RNF111: variants seen among roughly 807,000 people sequenced by gnomAD.
The protein encoded by RNF111 is E3 ubiquitin-protein ligase Arkadia.
In RNF111, 17 loss-of-function variants were observed where a neutral mutation model predicts 95.1. The ratio of observed to expected loss-of-function variants is 0.18; its 90% CI spans 0.12 to 0.27. RNF111 has a LOEUF of 0.27. Ranked by LOEUF, RNF111 falls within the 10% of genes least tolerant of loss-of-function variation. The pLI is 1.00. For missense variants in RNF111, 1,189 were observed against 1,210.4 expected, an observed-to-expected ratio of 0.98 and a Z score of 0.26; for synonymous variants, 440 against 414.8, an observed-to-expected ratio of 1.06 and a Z score of -0.74.
chr15:59,066,772 A>T lies in RNF111; in HGVS notation c.1375A>T (p.Arg459Trp). The T allele has an allele frequency of 1.2e-6, 2 of 1,612,460 alleles. No homozygotes were observed. The highest frequency in any genetic ancestry group is 1.7e-6 in the Non-Finnish European group (2 of 1,178,862). ...TTTTTTTCTGTTTCAAGATGACTCAAGGAGAACTACATCTAGTGCTGTAAC... is the reference window on the plus strand; with the variant it reads ...TTTTTTTCTGTTTCAAGATGACTCATGGAGAACTACATCTAGTGCTGTAAC... ...TTGTSIGDDS[R>W]RTTSSAVTET... The change falls in exon 6 of 14, where the codon AGG becomes TGG. Residue 459 changes from arginine (R) to tryptophan (W), a missense_variant. By Grantham distance (101) the Arg-to-Trp change is moderately radical (BLOSUM62 -3). Around this residue, in one of 2 missense-constraint regions of RNF111, gnomAD observed 1,024 missense variants for 925.9 expected, o/e 1.11. Transcript: ENST00000348370.
chr15:59,043,062 T>C (rs1298833405), intron 2 of RNF111, among the ~76,000 whole-genome samples: 2 of 152,192 alleles, frequency 1.3e-5, no homozygotes, highest in East Asian at 3.8e-4. Flanking sequence ...GAGAGCGTTT[T>C]ATGTTCTTTT....
intron 1 of RNF111, among the ~76,000 whole-genome samples, chr15:58,994,442 G>A (rs1453950396): frequency 7.3e-6 from 1 of 137,650 alleles, no homozygotes; most frequent in South Asian, 2.4e-4. Context: ...AATTTTTAAT[G>A]TTGTCACTCT....
In RNF111 at chr15:59,058,255, G is replaced by GT. The variant is rs1198614304; in HGVS notation, c.1172-94dup. The GT allele has an allele frequency of 2.0e-5, 19 of 968,032 alleles. No homozygotes were observed. In the South Asian group the frequency reaches 3.0e-4, roughly 15 times the overall value. The allele number at this position is 968,032 out of a possible 1,614,324, so 60.0% of individuals were successfully genotyped here. A position where few individuals can be genotyped will look rare whatever the true frequency, so the allele number is the denominator to read the frequency against. On this transcript the variant is annotated intron_variant, in intron 4 of 13. Transcript: ENST00000348370. ...TTATTAGAGAGCTTGTATTTTTAAA[G>GT]TTTTTTTATTTATTAATTATAAACA...
At chr15:59,016,183 T>G (rs2040058273) in intron 1 of RNF111, among the ~76,000 whole-genome samples, 1 of 150,870 alleles carries the variant, frequency 6.6e-6, no homozygotes, top group South Asian at 2.1e-4. Context: ...TAGTTTTTTT[T>G]TTTTAGAGAT....
chr15:59,094,253 A>T (rs771782762), intron 13 of RNF111, among the ~76,000 whole-genome samples: 27 of 152,180 alleles, frequency 1.8e-4, no homozygotes, highest in Non-Finnish European at 3.5e-4. Context: ...TTTAATGTGT[A>T]AAGATATTCT....
chr15:59,072,315 T>C (rs1867757), intron 6 of RNF111, among the ~76,000 whole-genome samples: 60,308 of 151,986 alleles, frequency 0.4, 13,878 homozygotes, highest in African/African-American at 0.64. Context: ...TGTTTAATGG[T>C]GTTTTACCCA....
chr15:59,036,523 C>G (rs1428623375), intron 2 of RNF111, among the ~76,000 whole-genome samples: 1 of 152,158 alleles, frequency 6.6e-6, no homozygotes, highest in Non-Finnish European at 1.5e-5. Flanking sequence ...ATAAAATCAT[C>G]AGATCTCATG....
At chr15:59,090,972 G>A in intron 11 of RNF111, 87 bp from the exon 12 acceptor site, 2 of 773,410 alleles carry the variant, frequency 2.6e-6, no homozygotes, top group East Asian at 5.1e-5. Flanking sequence ...TCTAAGTATG[G>A]AGGTTTATTT....
intron 1 of RNF111, among the ~76,000 whole-genome samples, chr15:58,991,559 G>C (rs2038818463): frequency 6.6e-6 from 1 of 152,156 alleles, no homozygotes. Flanking sequence ...TGGTTTTACT[G>C]TAGATTGAGT....
chr15:58,998,690 CAG>C (rs1390415292), intron 1 of RNF111, among the ~76,000 whole-genome samples: 28 of 152,118 alleles, frequency 1.8e-4, no homozygotes, highest in African/African-American at 6.3e-4. Context: ...AAACAAATGA[CAG>C]AATTTATTGC....
Position 59,081,004 on chromosome 15 carries a change from C to CCTCAGA in RNF111, c.2023_2028dup (p.Thr675_Gln676dup). On this transcript the variant is annotated inframe_insertion, in exon 8 of 14. Coordinates refer to ENST00000348370, the MANE Select transcript of RNF111 (RefSeq NM_017610.8). ...CCCGCATTCTCATGGAAACCCCCCT[C>CCTCAGA]CTCAGACTCAGCCTCCGCCTCAAGT... 1 of 1,614,150 alleles carries CCTCAGA rather than the reference C, an allele frequency of 6.2e-7. No individual in the cohort carries two copies. The highest frequency in any genetic ancestry group is 8.5e-7 in the Non-Finnish European group (1 of 1,180,026).
Position 59,097,410 on chromosome 15 carries a change from T to A in RNF111, c.*2510T>A, listed in dbSNP as rs2079189122. On this transcript the variant is annotated 3_prime_UTR_variant, in exon 14 of 14. Transcript: ENST00000348370. ...ATAACAGTTGTGATAAACTGATCGT[T>A]TGAAACGTTTTTCTTACTCTGGTGA... The A allele has an allele frequency of 6.6e-6, 1 of 152,160 alleles. No individual in the cohort carries two copies. The highest frequency in any genetic ancestry group is 1.5e-5 in the Non-Finnish European group (1 of 68,032). 9.4% of individuals were successfully genotyped at this position (152,160 alleles called of 1,614,324 possible). A position where few individuals can be genotyped will look rare whatever the true frequency, so the allele number is the denominator to read the frequency against.
At chr15:59,039,978 G>C (rs1357881152) in intron 2 of RNF111, among the ~76,000 whole-genome samples, 4 of 152,064 alleles carry the variant, frequency 2.6e-5, no homozygotes, top group African/African-American at 9.7e-5. Flanking sequence ...GCCTCCTCAA[G>C]TGCTGGGATT....
chr15:59,087,137 A>G (rs1484266918), intron 10 of RNF111, among the ~76,000 whole-genome samples: 2 of 152,204 alleles, frequency 1.3e-5, no homozygotes, highest in African/African-American at 2.4e-5. Context: ...TGGATTTCCA[A>G]AGATATTTGG....
At chr15:59,051,489 A>G (rs1386653644) in intron 2 of RNF111, among the ~76,000 whole-genome samples, 2 of 144,196 alleles carry the variant, frequency 1.4e-5, no homozygotes, top group Non-Finnish European at 3.0e-5. Flanking sequence ...AAAAAGACAA[A>G]TTTTGGCTGG....
chr15:59,052,392 A>C lies in RNF111; in HGVS notation c.968A>C (p.Asp323Ala). Reference sequence around the variant, plus strand: ...GAAGAAATTAATGTTACCTCAACTGACAGTGAAGTGGAGATTGTAACAGTT... The same window carrying C: ...GAAGAAATTAATGTTACCTCAACTGCCAGTGAAGTGGAGATTGTAACAGTT... ...ANEEINVTST[D>A]SEVEIVTVGE... Residue 323 changes from aspartate to alanine, a missense_variant, in exon 3 of 14, where the codon GAC becomes GCC. Physicochemically the swap from Asp to Ala is moderately radical, Grantham distance 126. Around this residue, in one of 2 missense-constraint regions of RNF111, gnomAD observed 1,024 missense variants for 925.9 expected, o/e 1.11. Coordinates refer to ENST00000348370, the MANE Select transcript of RNF111 (RefSeq NM_017610.8). The C allele has an allele frequency of 6.2e-7, 1 of 1,601,582 alleles. No individual in the cohort carries two copies. The highest frequency in any genetic ancestry group is 1.3e-5 in the African/African-American group (1 of 74,760).
At chr15:59,042,328 T>C (rs543895418) in intron 2 of RNF111, among the ~76,000 whole-genome samples, 13 of 152,254 alleles carry the variant, frequency 8.5e-5, no homozygotes, top group African/African-American at 2.6e-4. Flanking sequence ...GGTTTTGCCA[T>C]GTTGCCCAGG....
chr15:59,031,536 A>G lies in RNF111; in HGVS notation c.714A>G (p.Lys238=). The G allele has an allele frequency of 6.2e-7, 1 of 1,614,226 alleles. No homozygotes were observed. Among genetic ancestry groups the G allele is most frequent in the Non-Finnish European group, 8.5e-7 (1 of 1,180,044 alleles). The change falls in exon 2 of 14, where the codon AAA becomes AAG. Residue 238 remains lysine, a synonymous_variant. Coordinates refer to ENST00000348370, the MANE Select transcript of RNF111 (RefSeq NM_017610.8). ...QKERILMQRK[K]REVLARRKYA... is the part of the protein sequence containing the mutation. ...AGAGGATATTAATGCAGAGGAAGAAACGAGAAGTGTTAGCTCGAAGAAAAT... is the reference window on the plus strand; with the variant it reads ...AGAGGATATTAATGCAGAGGAAGAAGCGAGAAGTGTTAGCTCGAAGAAAAT...
intron 1 of RNF111, among the ~76,000 whole-genome samples, chr15:59,009,787 TCTGCAAAAA>T (rs2039706425): frequency 6.6e-6 from 1 of 151,982 alleles, no homozygotes; most frequent in Admixed American, 6.6e-5. Context: ...AAACCTCGTC[TCTGCAAAAA>T]ATTCAAAAAA....
Sources: gnomAD v4.1 joint callset for allele counts (sites outside exome capture counted in the v4.1 genomes callset) on GRCh38, gnomAD v4.1.1 for gene constraint, gnomAD v4.1.1 regional missense constraint, MANE v1.5 for transcripts, NCBI Gene and HGNC (gene_info 2026-07-23, HGNC 2026-07-21) for gene names.